Variants in CSNK2A1 observed in about 807,000 individuals in gnomAD.
The protein encoded by CSNK2A1 is casein kinase 2 alpha 1.
CSNK2A1 carries 10 observed loss-of-function variants against 62.9 expected under a neutral mutation model. That is an observed-to-expected ratio of 0.16 (90% CI 0.10 to 0.27). CSNK2A1 has a LOEUF of 0.27. CSNK2A1 is among the 10% of genes least tolerant of loss of function. CSNK2A1 has a pLI of 1.00. For synonymous variants in CSNK2A1, 124 were observed against 167.8 expected, an observed-to-expected ratio of 0.74 and a Z score of 2.02; for missense variants, 160 against 492.0, an observed-to-expected ratio of 0.33 and a Z score of 6.38.
At chr20:515,870 A>G (rs1355880699) in intron 2 of CSNK2A1, among the ~76,000 whole-genome samples, 1 of 152,226 alleles carries the variant, frequency 6.6e-6, no homozygotes, top group African/African-American at 2.4e-5. Flanking sequence ...GTCATCTGGT[A>G]CGCAACTAGG....
intron 2 of CSNK2A1, among the ~76,000 whole-genome samples, chr20:519,168 C>T (rs889515475): frequency 6.6e-6 from 1 of 151,708 alleles, no homozygotes; most frequent in Non-Finnish European, 1.5e-5. Flanking sequence ...GAACTTCTGA[C>T]CTCAAGTGAC....
intron 2 of CSNK2A1, among the ~76,000 whole-genome samples, chr20:527,143 C>G (rs2019115485): frequency 6.6e-6 from 1 of 151,936 alleles, no homozygotes; most frequent in South Asian, 2.1e-4. Context: ...AATGATACAT[C>G]ACTACAGATC....
At chr20:541,716 G>T (rs1351488565) in intron 1 of CSNK2A1, among the ~76,000 whole-genome samples, 7 of 152,112 alleles carry the variant, frequency 4.6e-5, no homozygotes, top group Non-Finnish European at 1.0e-4. Flanking sequence ...TCTCTTCTCT[G>T]TATTCCACAA....
In CSNK2A1 at chr20:527,323, A is replaced by G. The variant is rs567343297; in HGVS notation, c.-110+610T>C. On this transcript the variant is annotated intron_variant, in intron 2 of 13. Transcript: ENST00000217244. ...AATGAAAACCATAAATAGTCCCATA[A>G]CCAATAAATTCAATCAGTATTGTTT... Among the ~76,000 whole-genome samples, 5 of 152,334 alleles carry G rather than the reference A, an allele frequency of 3.3e-5. No individual in the cohort carries two copies. In the East Asian group the frequency reaches 9.6e-4, roughly 29 times the overall value.
intron 2 of CSNK2A1, among the ~76,000 whole-genome samples, chr20:525,309 C>T (rs1023969381): frequency 1.3e-5 from 2 of 151,088 alleles, no homozygotes; most frequent in Non-Finnish European, 3.0e-5. Context: ...TCTAGGAGTT[C>T]GAGACCAGCC....
intron 9 of CSNK2A1, among the ~76,000 whole-genome samples, chr20:490,216 A>C (rs1246357865): frequency 6.6e-6 from 1 of 150,608 alleles, no homozygotes; most frequent in Non-Finnish European, 1.5e-5. Context: ...TTTTTAGTAG[A>C]GACGGGGTTT....
At chr20:508,181 G>A (rs2018645141) in intron 3 of CSNK2A1, 1 of 292,838 alleles carries the variant, frequency 3.4e-6, no homozygotes, top group Non-Finnish European at 6.4e-6. Flanking sequence ...ACTTTGTTAT[G>A]TGGTGCACGA....
chr20:523,629 C>T (rs764116620), intron 2 of CSNK2A1, among the ~76,000 whole-genome samples: 5 of 152,100 alleles, frequency 3.3e-5, no homozygotes, highest in East Asian at 1.9e-4. Flanking sequence ...CGGTGGCTCA[C>T]GCCTGTAATC....
chr20:517,763 C>T (rs980413285), intron 2 of CSNK2A1, among the ~76,000 whole-genome samples: 1 of 152,130 alleles, frequency 6.6e-6, no homozygotes, highest in Admixed American at 6.5e-5. Flanking sequence ...ATTTTGTTAT[C>T]TTCTATAAGA....
At chr20:515,718 T>C (rs925353828) in intron 2 of CSNK2A1, among the ~76,000 whole-genome samples, 4 of 152,228 alleles carry the variant, frequency 2.6e-5, no homozygotes, top group Non-Finnish European at 5.9e-5. Context: ...CTTTTTAATT[T>C]ATAGTACCTA....
chr20:540,129 T>C (rs1319299051), intron 1 of CSNK2A1: 1 of 152,170 alleles, frequency 6.6e-6, no homozygotes, highest in Non-Finnish European at 1.5e-5. Flanking sequence ...CACATGTGAG[T>C]AGTTTTATCA....
In CSNK2A1 at chr20:480,071, C is replaced by T. The variant is rs2017925920; in HGVS notation, c.*3890G>A. ...CTAAGTCTACTAAATTGGCCAGGAT[C>T]ATTCCTTAGTCTTCAGATACCTATT... On this transcript the variant is annotated 3_prime_UTR_variant, in exon 14 of 14. Transcript: ENST00000217244. 1 of 152,176 alleles carries T rather than the reference C, an allele frequency of 6.6e-6. No individual in the cohort carries two copies. Among genetic ancestry groups the T allele is most frequent in the Non-Finnish European group, 1.5e-5 (1 of 68,052 alleles). 9.4% of individuals were successfully genotyped at this position (152,176 alleles called of 1,614,324 possible).
chr20:495,525 T>G, intron 8 of CSNK2A1, 194 bp downstream of exon 8: 1 of 513,564 alleles, frequency 1.9e-6, no homozygotes, highest in Non-Finnish European at 3.5e-6. Context: ...CATGTTTCCT[T>G]CTTGGGAATA....
intron 3 of CSNK2A1, chr20:507,708 T>C (rs1237019111): frequency 2.6e-5 from 4 of 152,354 alleles, no homozygotes; most frequent in Non-Finnish European, 5.9e-5. Context: ...TTCGTCCTCC[T>C]GTATTAACAC....
chr20:506,159 A>T (rs142467030), intron 3 of CSNK2A1: 2 of 152,410 alleles, frequency 1.3e-5, no homozygotes, highest in Non-Finnish European at 2.9e-5. Context: ...TACAGGCGTG[A>T]GCCACCGCAC....
chr20:490,335 C>CTTTTTTTTTTTTTTTTTT (rs907727482), intron 9 of CSNK2A1, among the ~76,000 whole-genome samples: 51 of 84,606 alleles, frequency 6.0e-4, no homozygotes, highest in African/African-American at 1.1e-3. Flanking sequence ...CTAGTTTTTT[C>CTTTTTTTTTTTTTTTTTT]TTTTTTTTTT....
chr20:481,715 G>A lies in CSNK2A1; in HGVS notation c.*2246C>T, dbSNP rs973567190. On this transcript the variant is annotated 3_prime_UTR_variant, in exon 14 of 14. Transcript: ENST00000217244. ...GCCTAAGCTACACCTCAATTTCCGA[G>A]CTACAAGGATAGGGTATGAAGTCTT... 6.6e-6 allele frequency: 1 copy of A among 152,056 alleles called. No homozygotes were observed. Among genetic ancestry groups the A allele is most frequent in the African/African-American group, 2.4e-5 (1 of 41,380 alleles). 9.4% of individuals were successfully genotyped at this position (152,056 alleles called of 1,614,324 possible).
intron 2 of CSNK2A1, among the ~76,000 whole-genome samples, chr20:522,309 CAG>C (rs2018968373): frequency 6.6e-6 from 1 of 152,240 alleles, no homozygotes; most frequent in Non-Finnish European, 1.5e-5. Flanking sequence ...AAAAACCTGG[CAG>C]ACTTTACTGA....
Position 499,969 on chromosome 20 carries a change from A to C in CSNK2A1, c.214-35T>G. 6.4e-7 allele frequency: 1 copy of C among 1,562,012 alleles called. No individual in the cohort carries two copies. Among genetic ancestry groups the C allele is most frequent in the Non-Finnish European group, 8.7e-7 (1 of 1,148,374 alleles). On this transcript the variant is annotated intron_variant, in intron 4 of 13. Transcript: ENST00000217244. This position sits in a 1 kb window ranked among gnomAD's most constrained non-coding sequence, Gnocchi z 4.2. Reference sequence around the variant, plus strand: ...GAAAAGTACATCAGCAAAAAAAAAAAAAAAAAATTTTTTCAGAGTATTTCA... The same window carrying C: ...GAAAAGTACATCAGCAAAAAAAAAACAAAAAAATTTTTTCAGAGTATTTCA...
Sources: gnomAD v4.1 joint callset for allele counts (sites outside exome capture counted in the v4.1 genomes callset) on GRCh38, gnomAD v4.1.1 for gene constraint, Gnocchi (gnomAD v3.1) non-coding constraint, MANE v1.5 for transcripts, NCBI Gene and HGNC (gene_info 2026-07-23, HGNC 2026-07-21) for gene names.